ZFR: variants seen among roughly 807,000 people sequenced by gnomAD.
The protein encoded by ZFR is zinc finger RNA-binding protein.
Under a neutral mutation model 130.7 loss-of-function variants are expected in ZFR, and 19 were observed. That is an observed-to-expected ratio of 0.15 (90% confidence interval 0.10 to 0.21). The LOEUF is 0.21. Ranked by LOEUF, ZFR falls within the 10% of genes least tolerant of loss-of-function variation. The pLI is 1.00. For missense variants in ZFR, 872 were observed against 1,321.5 expected, an observed-to-expected ratio of 0.66 and a Z score of 5.27; for synonymous variants, 466 against 456.9, an observed-to-expected ratio of 1.02 and a Z score of -0.25.
intron 17 of ZFR, among the ~76,000 whole-genome samples, chr5:32,369,805 C>CT (rs1752620884): frequency 6.6e-6 from 1 of 152,082 alleles, no homozygotes; most frequent in Non-Finnish European, 1.5e-5. Context: ...GAGTGAAACT[C>CT]TGTCTTAAAA....
At position 32,441,593 on chromosome 5, in the gene ZFR, T is replaced by C. The variant is rs576811256; in HGVS notation, c.137+2636A>G. Among the ~76,000 whole-genome samples, 5 of 152,234 alleles carry C rather than the reference T, an allele frequency of 3.3e-5. No homozygotes were observed. The East Asian group carries it at 5.8e-4, about 18-fold the overall frequency. On this transcript the variant is annotated intron_variant, in intron 2 of 19. Coordinates refer to ENST00000265069, the MANE Select transcript of ZFR (RefSeq NM_016107.5). ...TTTCCTGAGTTTGAGATCTTCAAAT[T>C]TGAAAAAATATTAGTAAAGTAGACC...
In ZFR at chr5:32,397,213, A is replaced by T; in HGVS notation, c.1833+6T>A. The T allele has an allele frequency of 6.3e-7, 1 of 1,584,634 alleles. No homozygotes were observed. Among genetic ancestry groups the T allele is most frequent in the Non-Finnish European group, 8.6e-7 (1 of 1,168,666 alleles). Reference sequence around the variant, plus strand: ...TAAAGAAGGTAATAGCTGAAATTTTACTCACTTTATATTGAAGTCTGTGTC... The same window carrying T: ...TAAAGAAGGTAATAGCTGAAATTTTTCTCACTTTATATTGAAGTCTGTGTC... On this transcript the variant is annotated splice_donor_region_variant and intron_variant, in intron 10 of 19. Transcript: ENST00000265069.
chr5:32,418,386 C>A (rs1197001825), intron 3 of ZFR, among the ~76,000 whole-genome samples: 2 of 151,940 alleles, frequency 1.3e-5, no homozygotes, highest in Non-Finnish European at 1.5e-5. Flanking sequence ...TTAAAAAAGT[C>A]ACAGAAGTTT....
chr5:32,385,072 C>T (rs1017750426), intron 15 of ZFR, among the ~76,000 whole-genome samples: 2 of 151,946 alleles, frequency 1.3e-5, no homozygotes, highest in Admixed American at 6.6e-5. Flanking sequence ...AAATGTGTTA[C>T]GAATACTTAG....
At chr5:32,357,458 G>T (rs765065173) in intron 19 of ZFR, among the ~76,000 whole-genome samples, 3 of 151,834 alleles carry the variant, frequency 2.0e-5, no homozygotes, top group Non-Finnish European at 4.4e-5. Flanking sequence ...TAGAGATGGG[G>T]TTTCACCATG....
chr5:32,370,309 G>GA lies in ZFR; in HGVS notation c.2836-6035_2836-6034insT. Among the ~76,000 whole-genome samples, 30 of 68,472 alleles carry GA rather than the reference G, an allele frequency of 4.4e-4. 1 individual carries two copies. The highest frequency in any genetic ancestry group is 2.0e-3 in the African/African-American group (30 of 14,992). The allele number at this position is 68,472 out of a possible 152,430, so 44.9% of individuals were successfully genotyped here. On this transcript the variant is annotated intron_variant, in intron 17 of 19. Transcript: ENST00000265069. ...ATATAATAACATTGTGTGTTGTGGG[G>GA]GGAGAGAGAGAGAGAGAGAGAGAGA...
chr5:32,391,160 C>T (rs947979537), intron 11 of ZFR, among the ~76,000 whole-genome samples: 6 of 152,226 alleles, frequency 3.9e-5, no homozygotes, highest in Non-Finnish European at 8.8e-5. Context: ...CTGTCCAGCT[C>T]CATCCCACCT....
chr5:32,429,912 A>AT (rs752836484), intron 2 of ZFR, among the ~76,000 whole-genome samples: 25 of 151,076 alleles, frequency 1.7e-4, no homozygotes, highest in South Asian at 1.0e-3. Context: ...TTAAAAAAAA[A>AT]TTTTTTTTTG....
At chr5:32,423,322 C>A (rs1260441256) in intron 2 of ZFR, among the ~76,000 whole-genome samples, 2 of 151,670 alleles carry the variant, frequency 1.3e-5, no homozygotes, top group Non-Finnish European at 2.9e-5. Flanking sequence ...GAGTGAGACC[C>A]CTGTCTCAAA....
rs908375108 is a variant in ZFR at position 32,394,607 on chromosome 5, G to A, written c.1979+552C>T. ...GGGGAATTATTGTTAATGGGTACGT[G>A]ATTTCTTTTGAGGGTGATGAACTGT... On this transcript the variant is annotated intron_variant, in intron 11 of 19. Transcript: ENST00000265069. 4 of 152,342 alleles carry A rather than the reference G, an allele frequency of 2.6e-5. No homozygotes were observed. In the East Asian group the frequency reaches 7.7e-4, roughly 29 times the overall value. 9.4% of individuals were successfully genotyped at this position (152,342 alleles called of 1,614,324 possible).
At chr5:32,362,319 TG>T (rs1752451310) in intron 19 of ZFR, among the ~76,000 whole-genome samples, 1 of 152,082 alleles carries the variant, frequency 6.6e-6, no homozygotes, top group Non-Finnish European at 1.5e-5. Flanking sequence ...AGAAGCAACT[TG>T]AAAAGGATCA....
rs554909788 is a variant in ZFR at position 32,354,770 on chromosome 5, A to G, written c.*990T>C. ...TAGAGTAATCTCACACACACCAATA[A>G]GGAACTGTCACCATAATTAAGGGCT... On this transcript the variant is annotated 3_prime_UTR_variant, in exon 20 of 20. Transcript: ENST00000265069. 2.1e-3 allele frequency: 324 copies of G among 152,744 alleles called. No individual in the cohort carries two copies. The highest frequency in any genetic ancestry group is 7.6e-3 in the African/African-American group (316 of 41,584). 9.5% of individuals were successfully genotyped at this position (152,744 alleles called of 1,614,324 possible).
chr5:32,436,944 G>T (rs1205311575), intron 2 of ZFR, among the ~76,000 whole-genome samples: 2 of 152,154 alleles, frequency 1.3e-5, no homozygotes, highest in Admixed American at 6.5e-5. Context: ...ATGAGGCAAA[G>T]AAAATATTAT....
chr5:32,404,507 T>A (rs1753536622), intron 6 of ZFR, among the ~76,000 whole-genome samples: 1 of 152,160 alleles, frequency 6.6e-6, no homozygotes, highest in African/African-American at 2.4e-5. Flanking sequence ...AAAGTTACTG[T>A]ATGGTGGAAC....
chr5:32,422,601 A>G (rs945797416), intron 2 of ZFR, among the ~76,000 whole-genome samples: 1 of 151,998 alleles, frequency 6.6e-6, no homozygotes, highest in African/African-American at 2.4e-5. Context: ...GTTTGAGACC[A>G]GCCTGGGCAA....
Position 32,444,343 on chromosome 5 carries a change from A to C in ZFR, c.38-15T>G, listed in dbSNP as rs372881214. On this transcript the variant is annotated splice_polypyrimidine_tract_variant and intron_variant, in intron 1 of 19. Coordinates refer to ENST00000265069, the MANE Select transcript of ZFR (RefSeq NM_016107.5). ...CCGGCTGGGCACTGCGGCGGGCACG[A>C]AGAGTCGGGTCCCATGGCGGGACAA... 121 of 1,534,658 alleles carry C rather than the reference A, an allele frequency of 7.9e-5. No homozygotes were observed. In the African/African-American group the frequency reaches 1.4e-3, roughly 18 times the overall value.
chr5:32,355,996 TTAC>T (rs1260502143), intron 19 of ZFR, 57 bp from the exon 20 acceptor site: 2 of 1,394,056 alleles, frequency 1.4e-6, no homozygotes, highest in East Asian at 2.6e-5. Flanking sequence ...GTAGTAATAC[TTAC>T]TACATTTACC....
intron 19 of ZFR, 39 bp from the exon 20 acceptor site, chr5:32,355,978 A>G: frequency 6.5e-7 from 1 of 1,533,170 alleles, no homozygotes; most frequent in Non-Finnish European, 8.8e-7. Context: ...TTAATTGAAA[A>G]ACCCCAAGTA....
intron 2 of ZFR, among the ~76,000 whole-genome samples, chr5:32,441,519 A>G (rs1039798184): frequency 1.1e-4 from 8 of 75,766 alleles, no homozygotes; most frequent in Non-Finnish European, 2.8e-4. Flanking sequence ...ATTTGATTGG[A>G]AAAAAAAAAA....
Sources: gnomAD v4.1 joint callset for allele counts (sites outside exome capture counted in the v4.1 genomes callset) on GRCh38, gnomAD v4.1.1 for gene constraint, MANE v1.5 for transcripts, NCBI Gene and HGNC (gene_info 2026-07-23, HGNC 2026-07-21) for gene names.